FTO: variants seen among roughly 807,000 people sequenced by gnomAD.
The protein encoded by FTO is alpha-ketoglutarate-dependent dioxygenase FTO.
Under a neutral mutation model 63.9 loss-of-function variants are expected in FTO, and 47 were observed. That is an observed-to-expected ratio of 0.74 (90% CI 0.58 to 0.94). FTO has a LOEUF of 0.94. FTO is among the 40% of genes least tolerant of loss of function. The probability of loss-of-function intolerance (pLI) is 0.00; values close to 1 mark genes in which losing one functional copy is unlikely to be tolerated. For missense variants in FTO, 562 were observed against 618.1 expected, an observed-to-expected ratio of 0.91 and a Z score of 0.96; for synonymous variants, 207 against 224.4, an observed-to-expected ratio of 0.92 and a Z score of 0.69.
intron 8 of FTO, among the ~76,000 whole-genome samples, chr16:53,972,254 G>A (rs1033998142): frequency 2.6e-5 from 4 of 151,926 alleles, no homozygotes; most frequent in Non-Finnish European, 4.4e-5. Flanking sequence ...ACTAAGGCTC[G>A]GAGTATTGGA....
chr16:53,897,042 C>A (rs1052567706), intron 7 of FTO, among the ~76,000 whole-genome samples: 4 of 152,174 alleles, frequency 2.6e-5, no homozygotes, highest in Non-Finnish European at 2.9e-5. Flanking sequence ...CTGCTCCCTC[C>A]TCATTGACAT....
At chr16:53,930,876 T>G (rs761147166) in intron 7 of FTO, among the ~76,000 whole-genome samples, 2 of 152,242 alleles carry the variant, frequency 1.3e-5, no homozygotes, top group Non-Finnish European at 2.9e-5. Flanking sequence ...GTTTATAATT[T>G]ATGTAATAGT....
rs2082463256 is a variant in FTO, at chr16:53,939,126, T to C, written c.1364+5017T>C. ...AAAGAAAACCCTTTATATTGAACTA[T>C]ACTGACTCGTAATACAGGCCTCACC... is the stretch of plus-strand genomic sequence containing the variant. On this transcript the variant is annotated intron_variant, in intron 8 of 8. Coordinates refer to ENST00000471389, the MANE Select transcript of FTO (RefSeq NM_001080432.3). 2.0e-5 allele frequency among the ~76,000 whole-genome samples: 3 copies of C among 152,182 alleles called. No homozygotes were observed. The South Asian group carries it at 6.2e-4, about 32-fold the overall frequency.
intron 8 of FTO, among the ~76,000 whole-genome samples, chr16:54,089,201 G>A (rs1460468643): frequency 1.3e-5 from 2 of 152,182 alleles, no homozygotes; most frequent in Admixed American, 6.5e-5. Context: ...TGCACAAGTA[G>A]AGAATGGAAA....
At chr16:53,924,790 C>T (rs918125524) in intron 7 of FTO, among the ~76,000 whole-genome samples, 9 of 152,102 alleles carry the variant, frequency 5.9e-5, no homozygotes, top group African/African-American at 1.2e-4. Flanking sequence ...AAACCTCCTC[C>T]GGGAGATAAG....
chr16:53,870,396 C>T (rs1007328260), intron 4 of FTO, among the ~76,000 whole-genome samples: 19 of 152,270 alleles, frequency 1.2e-4, no homozygotes, highest in Admixed American at 1.1e-3. Context: ...TCAGTCCCGT[C>T]TACGTTGAAT....
chr16:53,814,253 G>C (rs577090659), intron 2 of FTO, among the ~76,000 whole-genome samples: 32 of 152,246 alleles, frequency 2.1e-4, no homozygotes, highest in African/African-American at 6.7e-4. Context: ...GGAACACAAG[G>C]AAACGAGGAA....
At chr16:53,926,508 G>T (rs1243027580) in intron 7 of FTO, among the ~76,000 whole-genome samples, 2 of 152,202 alleles carry the variant, frequency 1.3e-5, no homozygotes, top group African/African-American at 4.8e-5. Context: ...GTCTAATGGA[G>T]CCCACACTCT....
intron 8 of FTO, among the ~76,000 whole-genome samples, chr16:53,969,288 A>G (rs762055774): frequency 6.6e-6 from 1 of 152,116 alleles, no homozygotes; most frequent in Non-Finnish European, 1.5e-5. Flanking sequence ...TTTGTCCTTT[A>G]TCTGAAATAA....
chr16:54,110,442 A>T (rs2086857825), intron 8 of FTO, among the ~76,000 whole-genome samples: 1 of 152,218 alleles, frequency 6.6e-6, no homozygotes, highest in African/African-American at 2.4e-5. Context: ...GGATGCAGAG[A>T]GCTGAAGATA....
intron 1 of FTO, among the ~76,000 whole-genome samples, chr16:53,797,705 A>AT (rs2078111712): frequency 6.6e-6 from 1 of 152,046 alleles, no homozygotes; most frequent in Admixed American, 6.5e-5. Context: ...GGTGTTTAAT[A>AT]TATATATTTT....
intron 1 of FTO, among the ~76,000 whole-genome samples, chr16:53,719,080 C>A (rs898276916): frequency 6.6e-6 from 1 of 152,064 alleles, no homozygotes; most frequent in African/African-American, 2.4e-5. Flanking sequence ...TATTGAGAAA[C>A]TCCTTTTTGT....
At chr16:53,839,666 T>G (rs1339019569) in intron 3 of FTO, among the ~76,000 whole-genome samples, 2 of 152,128 alleles carry the variant, frequency 1.3e-5, no homozygotes, top group African/African-American at 4.8e-5. Context: ...CCTATGAAGA[T>G]TCCCACTTAT....
At chr16:53,984,434 C>T (rs532890047) in intron 8 of FTO, among the ~76,000 whole-genome samples, 4 of 150,810 alleles carry the variant, frequency 2.7e-5, no homozygotes, top group South Asian at 2.1e-4. Flanking sequence ...GTGATCCTCC[C>T]ACCTCAGCCT....
chr16:53,714,894 G>C (rs1186438636), intron 1 of FTO, among the ~76,000 whole-genome samples: 4 of 152,072 alleles, frequency 2.6e-5, no homozygotes, highest in Non-Finnish European at 5.9e-5. Context: ...AATTGCCCCA[G>C]CTGTTAATGC....
intron 4 of FTO, among the ~76,000 whole-genome samples, chr16:53,846,382 G>A (rs2079621366): frequency 6.6e-6 from 1 of 152,202 alleles, no homozygotes; most frequent in Non-Finnish European, 1.5e-5. Context: ...CTTAATAGAT[G>A]TTAGTATCAG....
At chr16:53,715,293 T>A (rs975815820) in intron 1 of FTO, among the ~76,000 whole-genome samples, 9 of 152,176 alleles carry the variant, frequency 5.9e-5, no homozygotes, top group African/African-American at 2.2e-4. Flanking sequence ...CTTGCTGAGT[T>A]ATGCTGGTGT....
At chr16:54,019,857 T>C (rs192469664) in intron 8 of FTO, among the ~76,000 whole-genome samples, 273 of 152,276 alleles carry the variant, frequency 1.8e-3, no homozygotes, top group Middle Eastern at 3.4e-3. Flanking sequence ...TTTGAACACT[T>C]CACTACTCAT....
At chr16:53,784,177 A>C (rs1157834812) in intron 1 of FTO, among the ~76,000 whole-genome samples, 1 of 152,222 alleles carries the variant, frequency 6.6e-6, no homozygotes, top group South Asian at 2.1e-4. Context: ...ATCCTTAAAG[A>C]TTCTATGTAC....
Sources: gnomAD v4.1 joint callset for allele counts (sites outside exome capture counted in the v4.1 genomes callset) on GRCh38, gnomAD v4.1.1 for gene constraint, MANE v1.5 for transcripts, NCBI Gene and HGNC (gene_info 2026-07-23, HGNC 2026-07-21) for gene names.